The following SEM1 variants were observed in gnomAD, a reference collection of about 807,000 sequenced individuals.
SEM1 encodes SEM1 26S proteasome subunit, also known as 26S proteasome complex subunit SEM1.
In SEM1, 3 loss-of-function variants were observed where a neutral mutation model predicts 12.7. The observed-to-expected ratio is 0.24, with a 90% CI of 0.11 to 0.61. SEM1 has a LOEUF of 0.61. Among genes scored for constraint, SEM1 ranks in the 20% least tolerant of loss-of-function variants. The probability of loss-of-function intolerance (pLI) is 0.88; values close to 1 mark genes in which losing one functional copy is unlikely to be tolerated. For missense variants in SEM1, 59 were observed against 81.3 expected (o/e 0.73, Z 1.06); for synonymous variants, 30 against 27.8 (o/e 1.08, Z -0.25).
chr7:96,517,340 T>C (rs1269118342), intron 2 of SEM1, among the ~76,000 whole-genome samples: 1 of 152,058 alleles, frequency 6.6e-6, no homozygotes, highest in African/African-American at 2.4e-5. Context: ...AAATGACAAA[T>C]CTCTGTACCT....
chr7:96,520,759 C>T (rs1804242501), intron 2 of SEM1, among the ~76,000 whole-genome samples: 1 of 152,120 alleles, frequency 6.6e-6, no homozygotes, highest in South Asian at 2.1e-4. Flanking sequence ...CCAGCATCTG[C>T]TCCCAGGTTT....
In SEM1 at chr7:96,526,200, A is replaced by C. The variant is rs193253481; in HGVS notation, c.171-19502T>G. Among the ~76,000 whole-genome samples the C allele has an allele frequency of 3.9e-5, 6 of 152,110 alleles. No individual in the cohort carries two copies. In the East Asian group the frequency reaches 1.2e-3, roughly 30 times the overall value. On this transcript the variant is annotated intron_variant and NMD_transcript_variant, in intron 2 of 3. Transcript: ENST00000466986. The stretch of plus-strand genomic sequence containing the variant: ...ACCATTATATATTTAGGTGAAGTGT[A>C]TTTTTCAGACATTGATATGACTTTT...
chr7:96,699,289 C>T (rs888854716), intron 1 of SEM1, among the ~76,000 whole-genome samples: 3 of 152,250 alleles, frequency 2.0e-5, no homozygotes, highest in Admixed American at 6.5e-5. Context: ...TAATTTATTT[C>T]GCCCTTAGTC....
At chr7:96,516,182 G>A (rs1804090545) in intron 2 of SEM1, among the ~76,000 whole-genome samples, 1 of 152,018 alleles carries the variant, frequency 6.6e-6, no homozygotes, top group African/African-American at 2.4e-5. Context: ...GATAACCAAT[G>A]ACTTTAGAGA....
intron 3 of SEM1, among the ~76,000 whole-genome samples, chr7:96,502,803 T>A (rs1803612078): frequency 6.6e-6 from 1 of 152,230 alleles, no homozygotes; most frequent in South Asian, 2.1e-4. Context: ...ATGTAAGGCA[T>A]TGTGCTTGGC....
rs1354374058 is a variant in SEM1, at chr7:96,694,826, C to T, written c.142G>A (p.Val48Ile). 3 of 1,610,816 alleles carry T rather than the reference C, an allele frequency of 1.9e-6. No individual in the cohort carries two copies. In the South Asian group the frequency reaches 3.3e-5, roughly 18 times the overall value. The change falls in exon 2 of 3, where the codon GTA (valine) becomes ATA (isoleucine). Residue 48 changes from valine to isoleucine, a missense_variant. Transcript: ENST00000248566. ...VWEDNWDDDN[V>I]EDDFSNQLRA... ...AACTGATTAGAGAAGTCATCCTCTA[C>T]ATTGTCATCATCCCAATTATCCTCC...
At chr7:96,549,386 T>C (rs565458264) in intron 2 of SEM1, among the ~76,000 whole-genome samples, 17 of 152,286 alleles carry the variant, frequency 1.1e-4, no homozygotes, top group African/African-American at 4.1e-4. Context: ...GACATTTAGA[T>C]TTTTAGGGCA....
At chr7:96,510,674 T>C (rs1412007169) in intron 2 of SEM1, among the ~76,000 whole-genome samples, 1 of 152,126 alleles carries the variant, frequency 6.6e-6, no homozygotes, top group Non-Finnish European at 1.5e-5. Context: ...GATTACCACA[T>C]AGCATGCCAA....
intron 2 of SEM1, among the ~76,000 whole-genome samples, chr7:96,541,121 T>C (rs892765736): frequency 1.3e-5 from 2 of 151,898 alleles, no homozygotes; most frequent in African/African-American, 4.8e-5. Context: ...ATTGCTGGGT[T>C]GAACGGTAGT....
At chr7:96,700,391 G>A (rs976307872) in intron 1 of SEM1, among the ~76,000 whole-genome samples, 3 of 151,962 alleles carry the variant, frequency 2.0e-5, no homozygotes, top group South Asian at 2.1e-4. Context: ...CTCATCCCTC[G>A]GTATACTCGG....
chr7:96,697,588 G>A (rs1024990382), intron 1 of SEM1, among the ~76,000 whole-genome samples: 8 of 151,946 alleles, frequency 5.3e-5, no homozygotes, highest in African/African-American at 7.2e-5. Context: ...CAAGAGTATC[G>A]AATTCTTATT....
upstream of SEM1, among the ~76,000 whole-genome samples, chr7:96,500,107 C>G (rs1016696081): frequency 5.3e-5 from 8 of 152,094 alleles, no homozygotes; most frequent in Non-Finnish European, 1.2e-4. Flanking sequence ...TCTGGCACCC[C>G]TTTGCAAATA....
chr7:96,536,937 A>G (rs971869278), intron 2 of SEM1, among the ~76,000 whole-genome samples: 1 of 151,804 alleles, frequency 6.6e-6, no homozygotes, highest in Non-Finnish European at 1.5e-5. Flanking sequence ...CAGTTGGATT[A>G]ATATCTACTA....
chr7:96,674,344 A>C (rs1272564998), intron 2 of SEM1, among the ~76,000 whole-genome samples: 2 of 152,080 alleles, frequency 1.3e-5, no homozygotes, highest in Non-Finnish European at 2.9e-5. Flanking sequence ...TTAATGAATG[A>C]ACATCAGTCT....
chr7:96,678,341 C>T (rs1213933193), intron 2 of SEM1, among the ~76,000 whole-genome samples: 1 of 152,078 alleles, frequency 6.6e-6, no homozygotes, highest in Non-Finnish European at 1.5e-5. Flanking sequence ...AGTCTAACAT[C>T]ATGGTCACAA....
intron 2 of SEM1, among the ~76,000 whole-genome samples, chr7:96,683,585 T>C (rs567199370): frequency 6.6e-6 from 1 of 152,308 alleles, no homozygotes; most frequent in African/African-American, 2.4e-5. Context: ...TGCACACGTA[T>C]GTTTATTGCA....
At chr7:96,662,327 G>A (rs1223509160) in intron 2 of SEM1, among the ~76,000 whole-genome samples, 1 of 152,152 alleles carries the variant, frequency 6.6e-6, no homozygotes, top group Non-Finnish European at 1.5e-5. Context: ...ATATACCATG[G>A]AATACTATGC....
chr7:96,579,769 A>G (rs1048017055), intron 2 of SEM1, among the ~76,000 whole-genome samples: 1 of 152,174 alleles, frequency 6.6e-6, no homozygotes, highest in African/African-American at 2.4e-5. Flanking sequence ...GATTAAATAA[A>G]TTAGAACTAT....
chr7:96,578,002 T>G (rs1389286922), intron 2 of SEM1, among the ~76,000 whole-genome samples: 5 of 151,964 alleles, frequency 3.3e-5, no homozygotes, highest in Admixed American at 3.3e-4. Context: ...AGTAAAAGAC[T>G]ATGAAAAATG....
Sources: allele counts gnomAD v4.1 joint callset (sites outside exome capture counted in the v4.1 genomes callset), GRCh38; gene constraint gnomAD v4.1.1; transcripts MANE v1.5; gene names NCBI Gene and HGNC (gene_info 2026-07-23, HGNC 2026-07-21).